Variants in HINT3 observed in about 807,000 individuals in gnomAD.
HINT3 encodes adenosine 5'-monophosphoramidase HINT3.
In HINT3, 16 loss-of-function variants were observed where a neutral mutation model predicts 19.1. The ratio of observed to expected loss-of-function variants is 0.84; its 90% CI spans 0.57 to 1.27. The LOEUF (loss-of-function observed/expected upper bound fraction) is 1.27. HINT3 is among the 50% of genes most tolerant of loss of function. The pLI, the probability that HINT3 is intolerant of heterozygous loss-of-function variation, is 0.00. For synonymous variants in HINT3, 75 were observed against 84.8 expected (o/e 0.88, Z 0.63); for missense variants, 197 against 225.8 (o/e 0.87, Z 0.82).
chr6:125,972,074 C>T (rs938078291), intron 2 of HINT3, among the ~76,000 whole-genome samples, 185 bp from the exon 3 acceptor site: 1 of 152,062 alleles, frequency 6.6e-6, no homozygotes, highest in Non-Finnish European at 1.5e-5. Context: ...CCAGGCTGGT[C>T]TCAAACTCCT....
chr6:125,967,116 A>G (rs1240918882), intron 2 of HINT3, 112 bp downstream of exon 2: 2 of 619,026 alleles, frequency 3.2e-6, no homozygotes, highest in Admixed American at 3.0e-5. Context: ...AAGGAGCATT[A>G]TGACTTTTTG....
rs1345452376 is a variant in HINT3 at position 125,956,968 on chromosome 6, G to A, written c.-10G>A. 1.3e-6 allele frequency: 2 copies of A among 1,549,198 alleles called. No homozygotes were observed. The highest frequency in any genetic ancestry group is 1.4e-5 in the African/African-American group (1 of 73,052). ...GAGGCCGAGGCTCTAGGCCGCGAGG[G>A]GCGGGTGCAATGGCGGAGGAACAGG... On this transcript the variant is annotated 5_prime_UTR_variant, in exon 1 of 5. Coordinates refer to ENST00000229633, the MANE Select transcript of HINT3 (RefSeq NM_138571.5).
At chr6:125,973,719 G>A (rs1390276796) in intron 3 of HINT3, among the ~76,000 whole-genome samples, 1 of 152,122 alleles carries the variant, frequency 6.6e-6, no homozygotes, top group African/African-American at 2.4e-5. Flanking sequence ...AGACCCTTTG[G>A]CCAGAAGCCA....
intron 1 of HINT3, among the ~76,000 whole-genome samples, chr6:125,964,311 T>A (rs1400664253): frequency 6.6e-6 from 1 of 152,210 alleles, no homozygotes; most frequent in Non-Finnish European, 1.5e-5. Context: ...ACATGTTAAA[T>A]ATTTACATGT....
intron 1 of HINT3, among the ~76,000 whole-genome samples, chr6:125,959,599 T>C (rs1207903603): frequency 3.3e-5 from 5 of 151,982 alleles, no homozygotes; most frequent in Non-Finnish European, 5.9e-5. Context: ...TGAGAAGAAC[T>C]TGGGAAAGGA....
chr6:125,957,187 C>T lies in HINT3; in HGVS notation c.201+9C>T, dbSNP rs933310642. ...AACTCCTGCACTGCGAGGTGGGCGG[C>T]GACGCGCGGCCGGGGGTGGGTGAGG... On this transcript the variant is annotated intron_variant, in intron 1 of 4. Coordinates refer to ENST00000229633, the MANE Select transcript of HINT3 (RefSeq NM_138571.5). The T allele has an allele frequency of 6.5e-6, 10 of 1,540,176 alleles. No homozygotes were observed. Among genetic ancestry groups the T allele is most frequent in the African/African-American group, 5.5e-5 (4 of 72,816 alleles).
intron 1 of HINT3, among the ~76,000 whole-genome samples, chr6:125,961,576 C>G (rs879135263): frequency 6.6e-6 from 1 of 152,112 alleles, no homozygotes; most frequent in Admixed American, 6.5e-5. Context: ...CAGGGAAACA[C>G]TTAGGTTTAC....
At chr6:125,963,282 G>A (rs1470977364) in intron 1 of HINT3, among the ~76,000 whole-genome samples, 1 of 152,120 alleles carries the variant, frequency 6.6e-6, no homozygotes, top group African/African-American at 2.4e-5. Flanking sequence ...AAAGGGGGAG[G>A]GGGAGAAAGA....
At chr6:125,957,215 C>T in intron 1 of HINT3, 37 bp downstream of exon 1, 3 of 1,519,674 alleles carry the variant, frequency 2.0e-6, no homozygotes, top group Non-Finnish European at 2.7e-6. Context: ...GGGTGAGGAC[C>T]TGGCCGCCCC....
At chr6:125,962,221 T>TATATACACAC (rs1788943571) in intron 1 of HINT3, among the ~76,000 whole-genome samples, 1 of 40,868 alleles carries the variant, frequency 2.4e-5, no homozygotes, top group Non-Finnish European at 3.9e-5. Flanking sequence ...CACATATATA[T>TATATACACAC]ATATATATAT....
In HINT3 at chr6:125,972,314, C is replaced by T. The variant is rs1291017722; in HGVS notation, c.375C>T (p.Asp125=). The change falls in exon 3 of 5, where the codon GAC becomes GAT. Residue 125 remains aspartate (D), a synonymous_variant. Coordinates refer to ENST00000229633, the MANE Select transcript of HINT3 (RefSeq NM_138571.5). The part of the protein sequence containing the change: ...KTILERNNFT[D]FTNVRMGFHM... ...TTCTTGAAAGAAATAATTTCACTGA[C>T]TTCACGAATGTGAGGTGTGTATACT... is the stretch of plus-strand genomic sequence containing the variant. The T allele has an allele frequency of 1.1e-5, 17 of 1,570,132 alleles. No homozygotes were observed. Among genetic ancestry groups the T allele is most frequent in the Non-Finnish European group, 1.5e-5 (17 of 1,160,662 alleles).
Position 125,979,189 on chromosome 6 carries a change from A to G in HINT3, c.*1513A>G, listed in dbSNP as rs142762331. ...CACTATTATTTACTTTACAATGGAT[A>G]TGAAGTTCAGATTTCATCTTATTTA... On this transcript the variant is annotated 3_prime_UTR_variant, in exon 5 of 5. Transcript: ENST00000229633. The G allele has an allele frequency of 1.3e-5, 2 of 152,322 alleles. No individual in the cohort carries two copies. Among genetic ancestry groups the G allele is most frequent in the Non-Finnish European group, 2.9e-5 (2 of 68,022 alleles). 9.4% of individuals were successfully genotyped at this position (152,322 alleles called of 1,614,324 possible). A position where few individuals can be genotyped will look rare whatever the true frequency, so the allele number is the denominator to read the frequency against.
At position 125,979,596 on chromosome 6, in the gene HINT3, A is replaced by G. The variant is rs1453959674; in HGVS notation, c.*1920A>G. The G allele has an allele frequency of 1.3e-5, 2 of 152,188 alleles. No individual in the cohort carries two copies. The highest frequency in any genetic ancestry group is 2.9e-5 in the Non-Finnish European group (2 of 68,070). 9.4% of individuals were successfully genotyped at this position (152,188 alleles called of 1,614,324 possible). On this transcript the variant is annotated 3_prime_UTR_variant, in exon 5 of 5. Coordinates refer to ENST00000229633, the MANE Select transcript of HINT3 (RefSeq NM_138571.5). ...GTGAAACCCCGTCTCTTCTAAAAAA[A>G]TACAAAAATTAGCCGGGTATGGTGG...
intron 1 of HINT3, among the ~76,000 whole-genome samples, chr6:125,960,638 C>A (rs1788906149): frequency 7.8e-6 from 1 of 128,588 alleles, no homozygotes; most frequent in African/African-American, 2.8e-5. Flanking sequence ...GCCTGGGTGA[C>A]AGAGCAAGAC....
intron 4 of HINT3, 45 bp from the exon 5 acceptor site, chr6:125,977,599 G>A: frequency 1.0e-6 from 1 of 1,000,164 alleles, no homozygotes; most frequent in Non-Finnish European, 1.5e-6. Flanking sequence ...TTATTTGATA[G>A]AGACTATGAT....
intron 1 of HINT3, among the ~76,000 whole-genome samples, chr6:125,961,227 A>G (rs1217577300): frequency 6.6e-6 from 1 of 152,218 alleles, no homozygotes; most frequent in African/African-American, 2.4e-5. Context: ...TGTCAGTGGA[A>G]AAACACAAAC....
chr6:125,960,656 G>GGGGC (rs1554209593), intron 1 of HINT3, among the ~76,000 whole-genome samples: 4 of 69,348 alleles, frequency 5.8e-5, no homozygotes, highest in African/African-American at 1.4e-4. Context: ...GACTCTCTCT[G>GGGGC]GGGGGGGGGA....
intron 1 of HINT3, among the ~76,000 whole-genome samples, chr6:125,959,189 A>T (rs1788884152): frequency 6.6e-6 from 1 of 152,200 alleles, no homozygotes; most frequent in African/African-American, 2.4e-5. Flanking sequence ...CCCAGATTAC[A>T]GGAACTGTCG....
rs1160359292 is a variant in HINT3 at position 125,962,269 on chromosome 6, TAC to T, written c.202-4616_202-4615del. On this transcript the variant is annotated intron_variant, in intron 1 of 4. Transcript: ENST00000229633. ...ATATATACACACATATATATATATA[TAC>T]ATACATATATATATACACATATATA... 2.6e-3 allele frequency among the ~76,000 whole-genome samples: 56 copies of T among 21,280 alleles called. 6 individuals carry two copies. Among genetic ancestry groups the T allele is most frequent in the Middle Eastern group, 0.031 (1 of 32 alleles). 14.0% of individuals were successfully genotyped at this position (21,280 alleles called of 152,430 possible).
Sources: gnomAD v4.1 joint callset for allele counts (sites outside exome capture counted in the v4.1 genomes callset) on GRCh38, gnomAD v4.1.1 for gene constraint, MANE v1.5 for transcripts, NCBI Gene and HGNC (gene_info 2026-07-23, HGNC 2026-07-21) for gene names.